The following DNAJC1 variants were observed in gnomAD, a reference collection of about 807,000 sequenced individuals.
The protein encoded by DNAJC1 is dnaJ homolog subfamily C member 1.
Under a neutral mutation model 76.6 loss-of-function variants are expected in DNAJC1, and 58 were observed. The observed-to-expected ratio is 0.76, with a 90% CI of 0.61 to 0.94. The LOEUF is 0.94. Ranked by LOEUF, DNAJC1 falls within the 40% of genes least tolerant of loss-of-function variation. DNAJC1 has a pLI of 0.00. For missense variants in DNAJC1, 689 were observed against 677.3 expected, an observed-to-expected ratio of 1.02 and a Z score of -0.19; for synonymous variants, 258 against 267.9, an observed-to-expected ratio of 0.96 and a Z score of 0.36.
At chr10:21,789,290 C>T (rs1195587802) in intron 9 of DNAJC1, among the ~76,000 whole-genome samples, 1 of 152,136 alleles carries the variant, frequency 6.6e-6, no homozygotes. Flanking sequence ...GAAAAAGCTG[C>T]ACAGAGACTA....
intron 8 of DNAJC1, among the ~76,000 whole-genome samples, chr10:21,839,444 AAACT>A (rs1297921240): frequency 6.6e-6 from 1 of 152,242 alleles, no homozygotes; most frequent in Non-Finnish European, 1.5e-5. Context: ...ACAGAAATAC[AAACT>A]ACCATCAGAG....
intron 7 of DNAJC1, among the ~76,000 whole-genome samples, chr10:21,886,896 T>C (rs1836374641): frequency 6.6e-6 from 1 of 152,106 alleles, no homozygotes; most frequent in Non-Finnish European, 1.5e-5. Flanking sequence ...GCTGAAGCAA[T>C]TAGGCAAGAG....
At chr10:21,761,330 AG>A (rs983819850) in intron 10 of DNAJC1, among the ~76,000 whole-genome samples, 20 of 152,166 alleles carry the variant, frequency 1.3e-4, no homozygotes, top group Admixed American at 1.1e-3. Flanking sequence ...AGGCCAAGGC[AG>A]GGGGGATCCC....
chr10:21,822,596 G>A (rs112072326), intron 8 of DNAJC1, among the ~76,000 whole-genome samples: 6 of 151,996 alleles, frequency 3.9e-5, no homozygotes, highest in Admixed American at 3.3e-4. Flanking sequence ...CAAAGACAGG[G>A]CTAGAGTAAG....
intron 6 of DNAJC1, among the ~76,000 whole-genome samples, chr10:21,915,369 T>C (rs1416424082): frequency 6.6e-6 from 1 of 152,078 alleles, no homozygotes; most frequent in East Asian, 1.9e-4. Context: ...AGAGGATGAA[T>C]GGGAAGGAAA....
At chr10:21,768,051 T>G (rs1052428626) in intron 9 of DNAJC1, among the ~76,000 whole-genome samples, 3 of 152,140 alleles carry the variant, frequency 2.0e-5, no homozygotes, top group African/African-American at 7.2e-5. Context: ...CTTGTGCCCT[T>G]CATGCAATCT....
chr10:21,888,291 T>A (rs1360821814), intron 7 of DNAJC1, among the ~76,000 whole-genome samples: 1 of 151,704 alleles, frequency 6.6e-6, no homozygotes, highest in African/African-American at 2.4e-5. Flanking sequence ...TTGGTGGGAG[T>A]GAAAATTAGT....
intron 9 of DNAJC1, among the ~76,000 whole-genome samples, chr10:21,775,242 T>C (rs1834439103): frequency 6.6e-6 from 1 of 151,600 alleles, no homozygotes; most frequent in Non-Finnish European, 1.5e-5. Context: ...CAATTCTGTG[T>C]GGTCCAATGA....
At chr10:21,952,564 C>T (rs1385113790) in intron 1 of DNAJC1, among the ~76,000 whole-genome samples, 3 of 152,142 alleles carry the variant, frequency 2.0e-5, no homozygotes, top group African/African-American at 7.2e-5. Flanking sequence ...CGTGACTAGC[C>T]TAGCCAACAT....
At chr10:21,891,476 C>CAAAAAAAAAAAAAAAAAAAAAAAAGAA (rs369729722) in intron 7 of DNAJC1, among the ~76,000 whole-genome samples, 2 of 38,868 alleles carry the variant, frequency 5.1e-5, no homozygotes, top group Middle Eastern at 0.026. Flanking sequence ...ACAAAGTAGA[C>CAAAAAAAAAAAAAAAAAAAAAAAAGAA]AAAAAAAAAA....
At chr10:21,979,156 A>T (rs1405213948) in intron 1 of DNAJC1, among the ~76,000 whole-genome samples, 5 of 139,356 alleles carry the variant, frequency 3.6e-5, no homozygotes, top group South Asian at 4.2e-4. Flanking sequence ...AAGATCTTTT[A>T]AAAAAAACCA....
At chr10:21,833,475 A>T (rs1490364751) in intron 8 of DNAJC1, among the ~76,000 whole-genome samples, 2 of 152,202 alleles carry the variant, frequency 1.3e-5, no homozygotes, top group Non-Finnish European at 2.9e-5. Flanking sequence ...TGACACAAAA[A>T]ATAAAATAAA....
chr10:21,923,157 T>C (rs1315413070), intron 3 of DNAJC1, among the ~76,000 whole-genome samples: 1 of 151,960 alleles, frequency 6.6e-6, no homozygotes, highest in Admixed American at 6.6e-5. Flanking sequence ...TTTACTAGCC[T>C]ATGTCTGTCA....
At chr10:21,882,974 G>T (rs1423635926) in intron 7 of DNAJC1, among the ~76,000 whole-genome samples, 1 of 152,116 alleles carries the variant, frequency 6.6e-6, no homozygotes, top group Non-Finnish European at 1.5e-5. Flanking sequence ...TTAGGCCTAG[G>T]AGCAGTGGTT....
chr10:21,974,705 C>CT (rs1838034202), intron 1 of DNAJC1, among the ~76,000 whole-genome samples: 1 of 152,042 alleles, frequency 6.6e-6, no homozygotes, highest in Non-Finnish European at 1.5e-5. Flanking sequence ...AAACCTGTAG[C>CT]AATATATACA....
chr10:21,858,906 T>C (rs537679683), intron 8 of DNAJC1, among the ~76,000 whole-genome samples: 1 of 152,332 alleles, frequency 6.6e-6, no homozygotes, highest in East Asian at 1.9e-4. Flanking sequence ...ATTTGAATGA[T>C]TGTTTCCACA....
chr10:21,885,701 A>G (rs191894886), intron 7 of DNAJC1, among the ~76,000 whole-genome samples: 7 of 152,358 alleles, frequency 4.6e-5, no homozygotes, highest in Admixed American at 3.9e-4. Context: ...GAATGCAATT[A>G]CACGGAAATT....
intron 1 of DNAJC1, among the ~76,000 whole-genome samples, chr10:21,981,930 A>G (rs1340584224): frequency 2.0e-5 from 3 of 152,110 alleles, no homozygotes; most frequent in East Asian, 1.9e-4. Context: ...CACCCTCAAT[A>G]TATCTGACCA....
chr10:21,790,544 C>T (rs1834672253), intron 9 of DNAJC1, among the ~76,000 whole-genome samples: 1 of 148,134 alleles, frequency 6.8e-6, no homozygotes, highest in Non-Finnish European at 1.5e-5. Flanking sequence ...AATACTGTAC[C>T]CAGCAAAACT....
Sources: gnomAD v4.1 joint callset for allele counts (sites outside exome capture counted in the v4.1 genomes callset) on GRCh38, gnomAD v4.1.1 for gene constraint, MANE v1.5 for transcripts, NCBI Gene and HGNC (gene_info 2026-07-23, HGNC 2026-07-21) for gene names.